CHST11: variants seen among roughly 807,000 people sequenced by gnomAD.
The protein encoded by CHST11 is C4S-1.
Under a neutral mutation model 30.4 loss-of-function variants are expected in CHST11, and 9 were observed. The ratio of observed to expected loss-of-function variants is 0.30; its 90% CI spans 0.18 to 0.52. The LOEUF is 0.52. Ranked by LOEUF, CHST11 falls within the 20% of genes least tolerant of loss-of-function variation. The pLI is 0.97. For missense variants in CHST11, 348 were observed against 460.6 expected, an observed-to-expected ratio of 0.76 and a Z score of 2.24; for synonymous variants, 152 against 187.8, an observed-to-expected ratio of 0.81 and a Z score of 1.56.
chr12:104,475,065 C>T (rs2037544489), intron 1 of CHST11, among the ~76,000 whole-genome samples: 2 of 152,156 alleles, frequency 1.3e-5, no homozygotes, highest in Admixed American at 1.3e-4. Flanking sequence ...AAGGTCTCTT[C>T]CCAACTCAGA....
chr12:104,665,376 G>A (rs1054187846), intron 2 of CHST11, among the ~76,000 whole-genome samples: 4 of 152,172 alleles, frequency 2.6e-5, no homozygotes, highest in South Asian at 2.1e-4. Flanking sequence ...TCTTAAAAAC[G>A]TTTACAAATG....
At chr12:104,669,105 C>G (rs986160192) in intron 2 of CHST11, among the ~76,000 whole-genome samples, 1 of 152,244 alleles carries the variant, frequency 6.6e-6, no homozygotes, top group African/African-American at 2.4e-5. Context: ...GACGTACGCA[C>G]CCCTCTGCAA....
chr12:104,611,998 C>T (rs905812379), intron 2 of CHST11, among the ~76,000 whole-genome samples: 2 of 152,218 alleles, frequency 1.3e-5, no homozygotes, highest in Admixed American at 1.3e-4. Context: ...CACCCTCTCT[C>T]GCCGCTTAGC....
chr12:104,469,918 A>C (rs953400886), intron 1 of CHST11, among the ~76,000 whole-genome samples: 1 of 152,250 alleles, frequency 6.6e-6, no homozygotes, highest in African/African-American at 2.4e-5. Flanking sequence ...ACAAGTTGAA[A>C]AAGTTTCTAT....
chr12:104,657,019 T>A (rs988428569), intron 2 of CHST11, among the ~76,000 whole-genome samples: 3 of 151,912 alleles, frequency 2.0e-5, no homozygotes, highest in African/African-American at 7.3e-5. Context: ...CTTTTTTTTT[T>A]TTAAATTGAT....
intron 2 of CHST11, among the ~76,000 whole-genome samples, chr12:104,673,481 G>T (rs969234118): frequency 6.6e-6 from 1 of 152,176 alleles, no homozygotes; most frequent in African/African-American, 2.4e-5. Flanking sequence ...TTCTTCACCT[G>T]TAAAATGGGA....
At chr12:104,567,792 A>T (rs1453761281) in intron 1 of CHST11, among the ~76,000 whole-genome samples, 1 of 152,146 alleles carries the variant, frequency 6.6e-6, no homozygotes. Flanking sequence ...TTGGGAGGTG[A>T]TTAGGTCTTG....
chr12:104,508,572 T>C (rs1240321201), intron 1 of CHST11, among the ~76,000 whole-genome samples: 1 of 152,214 alleles, frequency 6.6e-6, no homozygotes. Context: ...CCTTGAGATG[T>C]GTCAGAAATA....
chr12:104,653,361 A>G (rs1566024069), intron 2 of CHST11, among the ~76,000 whole-genome samples: 1 of 152,190 alleles, frequency 6.6e-6, no homozygotes, highest in Non-Finnish European at 1.5e-5. Flanking sequence ...CACTGGATAT[A>G]TGTACTGCGT....
At chr12:104,504,384 A>G (rs2037882454) in intron 1 of CHST11, among the ~76,000 whole-genome samples, 1 of 152,262 alleles carries the variant, frequency 6.6e-6, no homozygotes, top group Admixed American at 6.5e-5. Flanking sequence ...ACCAGATGCC[A>G]GACTCCTGAC....
At chr12:104,533,931 G>T (rs2038210816) in intron 1 of CHST11, among the ~76,000 whole-genome samples, 1 of 152,108 alleles carries the variant, frequency 6.6e-6, no homozygotes, top group Non-Finnish European at 1.5e-5. Context: ...GAAATTGAAG[G>T]CATTTATTTA....
chr12:104,713,960 C>A (rs1378844237), intron 2 of CHST11, among the ~76,000 whole-genome samples: 5 of 152,162 alleles, frequency 3.3e-5, no homozygotes, highest in Non-Finnish European at 7.3e-5. Flanking sequence ...CTTGGGTTCT[C>A]CAACCTGGAA....
chr12:104,471,989 C>T (rs1333134721), intron 1 of CHST11, among the ~76,000 whole-genome samples: 1 of 152,058 alleles, frequency 6.6e-6, no homozygotes, highest in South Asian at 2.1e-4. Context: ...GTGACAGAAT[C>T]TTGCTCTGTC....
rs2037363572 is a variant in CHST11 at position 104,457,459 on chromosome 12, G to A, written c.48G>A (p.Arg16=). 1 of 1,614,218 alleles carries A rather than the reference G, an allele frequency of 6.2e-7. No homozygotes were observed. Among genetic ancestry groups the A allele is most frequent in the Non-Finnish European group, 8.5e-7 (1 of 1,180,014 alleles). Residue 16 remains arginine (R), a synonymous_variant, in exon 1 of 3, where the codon CGG becomes CGA. Coordinates refer to ENST00000303694, the MANE Select transcript of CHST11 (RefSeq NM_018413.6). ...TGATGAGGATGAACAGAATCTGCCG[G>A]ATGGTGCTGGCCACTTGCTTGGGAT... is the stretch of plus-strand genomic sequence containing the variant. The part of the protein sequence containing the change: ...LEVMRMNRIC[R]MVLATCLGSF...
At chr12:104,730,697 G>T (rs1056206133) in intron 2 of CHST11, among the ~76,000 whole-genome samples, 1 of 152,224 alleles carries the variant, frequency 6.6e-6, no homozygotes, top group African/African-American at 2.4e-5. Context: ...AAAAGTCCCA[G>T]TCCAGGATAT....
At chr12:104,623,297 C>G (rs2039178872) in intron 2 of CHST11, among the ~76,000 whole-genome samples, 1 of 152,170 alleles carries the variant, frequency 6.6e-6, no homozygotes, top group African/African-American at 2.4e-5. Context: ...AATAATGCCT[C>G]CCTCAAGAGC....
intron 1 of CHST11, among the ~76,000 whole-genome samples, chr12:104,594,566 A>G (rs1303176997): frequency 6.6e-6 from 1 of 151,734 alleles, no homozygotes; most frequent in Admixed American, 6.6e-5. Flanking sequence ...CCCCGCTTTT[A>G]TTTTGCTTTT....
At chr12:104,710,645 T>C (rs1291472379) in intron 2 of CHST11, among the ~76,000 whole-genome samples, 2 of 152,194 alleles carry the variant, frequency 1.3e-5, no homozygotes, top group Admixed American at 6.5e-5. Context: ...TTTCCTTTGA[T>C]GTTAGTTAGC....
At chr12:104,756,857 T>C in intron 2 of CHST11, 92 bp from the exon 3 acceptor site, 4 of 1,451,344 alleles carry the variant, frequency 2.8e-6, no homozygotes, top group Non-Finnish European at 3.7e-6. Context: ...TAGATATGTG[T>C]TTGAACGGGT....
Sources: gnomAD v4.1 joint callset for allele counts (sites outside exome capture counted in the v4.1 genomes callset) on GRCh38, gnomAD v4.1.1 for gene constraint, MANE v1.5 for transcripts, NCBI Gene and HGNC (gene_info 2026-07-23, HGNC 2026-07-21) for gene names.